The following MOB3B variants were observed in gnomAD, a reference collection of about 807,000 sequenced individuals.
MOB3B encodes MOB kinase activator-like 2B.
MOB3B carries 7 observed loss-of-function variants against 18.7 expected under a neutral mutation model. The ratio of observed to expected loss-of-function variants is 0.37; its 90% confidence interval spans 0.21 to 0.70. MOB3B has a LOEUF of 0.70. Among genes scored for constraint, MOB3B ranks in the 30% least tolerant of loss-of-function variants. The pLI, the probability that MOB3B is intolerant of heterozygous loss-of-function variation, is 0.52. For missense variants in MOB3B, 253 were observed against 281.3 expected (o/e 0.90, Z 0.72); for synonymous variants, 111 against 99.9 (o/e 1.11, Z -0.66).
chr9:27,444,907 G>C (rs1015098312), intron 2 of MOB3B, among the ~76,000 whole-genome samples: 6 of 152,070 alleles, frequency 3.9e-5, no homozygotes, highest in African/African-American at 1.4e-4. Context: ...TTTAAGCTTT[G>C]GAATTACCAC....
intron 3 of MOB3B, among the ~76,000 whole-genome samples, chr9:27,358,121 G>A (rs780428937): frequency 4.6e-5 from 7 of 151,830 alleles, no homozygotes; most frequent in Non-Finnish European, 4.4e-5. Flanking sequence ...AAAGAGAAAG[G>A]GATAAAGGGT....
chr9:27,396,871 A>C (rs1222855730), intron 2 of MOB3B: 1 of 152,214 alleles, frequency 6.6e-6, no homozygotes, highest in African/African-American at 2.4e-5. Context: ...TTAACCATCC[A>C]CGTTAACCCT....
At chr9:27,467,558 C>A (rs994738654) in intron 1 of MOB3B, among the ~76,000 whole-genome samples, 1 of 152,218 alleles carries the variant, frequency 6.6e-6, no homozygotes, top group Non-Finnish European at 1.5e-5. Flanking sequence ...AGGGAAGCAC[C>A]ATTTCCCCAC....
chr9:27,358,831 G>T, intron 3 of MOB3B: 1 of 751,882 alleles, frequency 1.3e-6, no homozygotes, highest in Non-Finnish European at 2.4e-6. Flanking sequence ...CTCTTGGAGG[G>T]TAATCTCGGA....
chr9:27,361,656 G>C (rs1366626599), intron 2 of MOB3B, among the ~76,000 whole-genome samples: 2 of 152,210 alleles, frequency 1.3e-5, no homozygotes, highest in African/African-American at 2.4e-5. Flanking sequence ...TGAGCCCTCA[G>C]AACAGGCCTT....
chr9:27,380,663 G>A (rs919109957), intron 2 of MOB3B, among the ~76,000 whole-genome samples: 12 of 152,022 alleles, frequency 7.9e-5, no homozygotes, highest in African/African-American at 2.9e-4. Flanking sequence ...AGTGGAGGTG[G>A]TCCAGCTTCT....
chr9:27,423,747 C>T (rs906871854), intron 2 of MOB3B, among the ~76,000 whole-genome samples: 3 of 152,178 alleles, frequency 2.0e-5, no homozygotes, highest in Admixed American at 6.5e-5. Context: ...AGGCAAAACA[C>T]ACAGAACATA....
chr9:27,381,530 A>G (rs1003773996), intron 2 of MOB3B, among the ~76,000 whole-genome samples: 3 of 152,200 alleles, frequency 2.0e-5, no homozygotes, highest in Non-Finnish European at 2.9e-5. Flanking sequence ...CCAGATGTGG[A>G]TAGCAGAGAA....
At chr9:27,437,467 A>T (rs1373001880) in intron 2 of MOB3B, among the ~76,000 whole-genome samples, 1 of 152,208 alleles carries the variant, frequency 6.6e-6, no homozygotes, top group Non-Finnish European at 1.5e-5. Flanking sequence ...ACATTGTGCT[A>T]ATCAAGGGGC....
At chr9:27,447,700 T>C (rs1372876175) in intron 2 of MOB3B, among the ~76,000 whole-genome samples, 1 of 152,160 alleles carries the variant, frequency 6.6e-6, no homozygotes, top group Non-Finnish European at 1.5e-5. Context: ...CTCTTGGGAT[T>C]TGTTGAGCAG....
intron 1 of MOB3B, among the ~76,000 whole-genome samples, chr9:27,506,457 C>T (rs1315265539): frequency 6.6e-6 from 1 of 152,164 alleles, no homozygotes; most frequent in Non-Finnish European, 1.5e-5. Context: ...ATCACAATAG[C>T]CAATATTTAT....
At chr9:27,348,909 C>A (rs1466409241) in intron 3 of MOB3B, among the ~76,000 whole-genome samples, 1 of 152,140 alleles carries the variant, frequency 6.6e-6, no homozygotes, top group African/African-American at 2.4e-5. Flanking sequence ...ACAATTAGGC[C>A]TAGACTTGCA....
At chr9:27,344,704 T>C (rs1410670340) in intron 3 of MOB3B, among the ~76,000 whole-genome samples, 1 of 152,236 alleles carries the variant, frequency 6.6e-6, no homozygotes, top group Non-Finnish European at 1.5e-5. Flanking sequence ...GCTGTAAAAT[T>C]AAAGCTGGAT....
chr9:27,367,048 G>A (rs1004582081), intron 2 of MOB3B, among the ~76,000 whole-genome samples: 1 of 152,178 alleles, frequency 6.6e-6, no homozygotes, highest in Non-Finnish European at 1.5e-5. Flanking sequence ...GAGCAGGGAC[G>A]GTGTCCAGCC....
In MOB3B at chr9:27,390,296, G is replaced by A. The variant is rs373136763; in HGVS notation, c.419-31060C>T. Among the ~76,000 whole-genome samples the A allele has an allele frequency of 9.2e-5, 14 of 152,170 alleles. No individual in the cohort carries two copies. In the East Asian group the frequency reaches 2.5e-3, roughly 27 times the overall value. On this transcript the variant is annotated intron_variant, in intron 2 of 3. Transcript: ENST00000262244. Reference sequence around the variant, plus strand: ...GACTGAGTCTCACTCTGTGGCCCAGGCTGGAGTGCAGTGGGCGATCTCCGC... The same window carrying A: ...GACTGAGTCTCACTCTGTGGCCCAGACTGGAGTGCAGTGGGCGATCTCCGC...
At chr9:27,520,279 A>G (rs914662981) in intron 1 of MOB3B, among the ~76,000 whole-genome samples, 1 of 152,208 alleles carries the variant, frequency 6.6e-6, no homozygotes, top group Admixed American at 6.5e-5. Context: ...ACAATTCCAT[A>G]AACAACAGAG....
At chr9:27,399,547 C>T (rs570194831) in intron 2 of MOB3B, among the ~76,000 whole-genome samples, 6 of 152,154 alleles carry the variant, frequency 3.9e-5, no homozygotes, top group Non-Finnish European at 7.3e-5. Flanking sequence ...TGCTGAACAA[C>T]TGTTTTAGAG....
chr9:27,462,872 A>C (rs4147186), intron 1 of MOB3B, among the ~76,000 whole-genome samples: 3 of 151,972 alleles, frequency 2.0e-5, no homozygotes, highest in Non-Finnish European at 4.4e-5. Flanking sequence ...CAAAATGGGC[A>C]AGAAGACTGG....
chr9:27,360,484 G>A (rs1272657136), intron 2 of MOB3B, among the ~76,000 whole-genome samples: 3 of 152,200 alleles, frequency 2.0e-5, no homozygotes, highest in Admixed American at 6.5e-5. Context: ...CAGCCTTGGC[G>A]ACAGAGTGAG....
Sources: allele counts gnomAD v4.1 joint callset (sites outside exome capture counted in the v4.1 genomes callset), GRCh38; gene constraint gnomAD v4.1.1; transcripts MANE v1.5; gene names NCBI Gene and HGNC (gene_info 2026-07-23, HGNC 2026-07-21).